The following MARCHF1 variants were observed in gnomAD, a reference collection of about 807,000 sequenced individuals.
MARCHF1 encodes the protein membrane associated ring-CH-type finger 1, also known as E3 ubiquitin-protein ligase MARCHF1.
In MARCHF1, 40 loss-of-function variants were observed where a neutral mutation model predicts 54.2. The ratio of observed to expected loss-of-function variants is 0.74; its 90% CI spans 0.57 to 0.96. MARCHF1 has a LOEUF of 0.96. MARCHF1 is among the 40% of genes least tolerant of loss of function. MARCHF1 has a pLI of 0.00. For synonymous variants in MARCHF1, 236 were observed against 236.3 expected, an observed-to-expected ratio of 1.00 and a Z score of 0.01; for missense variants, 586 against 656.5, an observed-to-expected ratio of 0.89 and a Z score of 1.17.
At position 163,951,430 on chromosome 4, in the gene MARCHF1, T is replaced by C. The variant is rs564570263; in HGVS notation, c.-39+37071A>G. 1.9e-4 allele frequency among the ~76,000 whole-genome samples: 29 copies of C among 152,334 alleles called. No individual in the cohort carries two copies. In the South Asian group the frequency reaches 2.7e-3, roughly 14 times the overall value. On this transcript the variant is annotated intron_variant, in intron 3 of 9. Coordinates refer to ENST00000514618, the MANE Select transcript of MARCHF1 (RefSeq NM_001394959.1). ...TTAAGTGAGCAGGAGGATTACTTCC[T>C]GGTAGAGGATACACAGGCAAAACCA...
At chr4:164,068,077 C>G (rs982629356) in intron 2 of MARCHF1, among the ~76,000 whole-genome samples, 2 of 152,172 alleles carry the variant, frequency 1.3e-5, no homozygotes, top group Non-Finnish European at 2.9e-5. Flanking sequence ...ATAACAGATG[C>G]TAGTGACGTT....
intron 1 of MARCHF1, among the ~76,000 whole-genome samples, chr4:164,312,323 T>TTTC (rs1554000542): frequency 1.4e-5 from 2 of 138,964 alleles, no homozygotes; most frequent in African/African-American, 2.7e-5. Flanking sequence ...CTTTTTCTTT[T>TTTC]TTTTTTTTTT....
chr4:163,793,423 A>G (rs915792815), intron 4 of MARCHF1, among the ~76,000 whole-genome samples: 29 of 152,160 alleles, frequency 1.9e-4, no homozygotes, highest in African/African-American at 6.8e-4. Flanking sequence ...GATTTCTCCA[A>G]TTGTGAGATT....
intron 5 of MARCHF1, among the ~76,000 whole-genome samples, chr4:163,660,476 C>T (rs1054749682): frequency 9.2e-5 from 14 of 151,406 alleles, no homozygotes; most frequent in Admixed American, 3.3e-4. Context: ...ACATAGATGA[C>T]GGGTGGATAG....
intron 1 of MARCHF1, among the ~76,000 whole-genome samples, chr4:164,264,522 C>T (rs1303736227): frequency 1.3e-5 from 2 of 151,806 alleles, no homozygotes; most frequent in Non-Finnish European, 2.9e-5. Flanking sequence ...TTATCATCTA[C>T]CTGGTAATAT....
chr4:164,330,027 G>A (rs1341157187), intron 1 of MARCHF1: 2 of 152,198 alleles, frequency 1.3e-5, no homozygotes, highest in African/African-American at 2.4e-5. Flanking sequence ...GATAGCATCT[G>A]TTCACTTTTC....
chr4:163,841,546 A>G (rs947369708), intron 4 of MARCHF1, among the ~76,000 whole-genome samples: 66 of 152,126 alleles, frequency 4.3e-4, no homozygotes, highest in African/African-American at 1.5e-3. Context: ...CTTTCATAAT[A>G]CAGTTATGCA....
intron 1 of MARCHF1, among the ~76,000 whole-genome samples, chr4:164,337,132 A>G (rs757785990): frequency 5.3e-5 from 8 of 152,158 alleles, no homozygotes; most frequent in Non-Finnish European, 1.2e-4. Context: ...TACTGAATAT[A>G]TTAGTAGTAA....
chr4:164,196,900 G>C (rs754760657), intron 1 of MARCHF1: 26 of 1,381,200 alleles, frequency 1.9e-5, no homozygotes, highest in Non-Finnish European at 2.5e-5. Flanking sequence ...CAGGGGGCAG[G>C]ATTGGAGGGG....
chr4:163,689,970 T>C (rs1171272064), intron 5 of MARCHF1, among the ~76,000 whole-genome samples: 1 of 152,226 alleles, frequency 6.6e-6, no homozygotes, highest in Non-Finnish European at 1.5e-5. Context: ...AAGCTCTTGC[T>C]CTGCCTGTCC....
chr4:163,660,175 T>C (rs1743295034), intron 5 of MARCHF1, among the ~76,000 whole-genome samples: 1 of 151,984 alleles, frequency 6.6e-6, no homozygotes, highest in South Asian at 2.1e-4. Context: ...AATGATAGAC[T>C]GGATAAAGAA....
chr4:164,159,357 T>G (rs1367983985), intron 1 of MARCHF1, among the ~76,000 whole-genome samples: 1 of 152,152 alleles, frequency 6.6e-6, no homozygotes, highest in African/African-American at 2.4e-5. Flanking sequence ...ATATCATATA[T>G]AATTTTCTTT....
chr4:163,909,345 T>C (rs1751141134), intron 3 of MARCHF1, among the ~76,000 whole-genome samples: 1 of 152,182 alleles, frequency 6.6e-6, no homozygotes, highest in African/African-American at 2.4e-5. Flanking sequence ...CTTTCACATG[T>C]ATAAACATAA....
intron 1 of MARCHF1, among the ~76,000 whole-genome samples, chr4:164,307,646 C>T (rs574492235): frequency 1.4e-4 from 22 of 152,000 alleles, no homozygotes; most frequent in Non-Finnish European, 3.1e-4. Context: ...TCAACAACAA[C>T]AAAAATGCTC....
chr4:164,349,091 A>AG (rs1730202113), intron 1 of MARCHF1, among the ~76,000 whole-genome samples: 1 of 152,132 alleles, frequency 6.6e-6, no homozygotes, highest in South Asian at 2.1e-4. Context: ...ACGGTGGAGG[A>AG]GGGAAAATTA....
rs183158254 is a variant in MARCHF1, at chr4:163,817,302, C to T, written c.111+36719G>A. ...GTGTTTGTGTGTATACATATACATA[C>T]ATACATATATATGTACATATACACA... On this transcript the variant is annotated intron_variant, in intron 4 of 9. Coordinates refer to ENST00000514618, the MANE Select transcript of MARCHF1 (RefSeq NM_001394959.1). Among the ~76,000 whole-genome samples, 966 of 151,048 alleles carry T rather than the reference C, an allele frequency of 6.4e-3. 7 individuals carry two copies. The highest frequency in any genetic ancestry group is 0.021 in the African/African-American group (859 of 40,616).
intron 3 of MARCHF1, among the ~76,000 whole-genome samples, chr4:163,874,801 TTAGACAAATA>T (rs1175567022): frequency 6.6e-6 from 1 of 152,168 alleles, no homozygotes; most frequent in Admixed American, 6.6e-5. Context: ...TGATATATTT[TTAGACAAATA>T]GAAGCACTGA....
chr4:164,138,445 C>T (rs1012133803), intron 1 of MARCHF1, among the ~76,000 whole-genome samples: 1 of 152,060 alleles, frequency 6.6e-6, no homozygotes, highest in African/African-American at 2.4e-5. Context: ...GGAGCTAGGC[C>T]TGACCTTGGA....
At chr4:164,219,027 C>G (rs1176021435) in intron 1 of MARCHF1, among the ~76,000 whole-genome samples, 1 of 151,938 alleles carries the variant, frequency 6.6e-6, no homozygotes, top group Admixed American at 6.6e-5. Flanking sequence ...TACTTTATTC[C>G]ATTATTTCCT....
Sources: allele counts gnomAD v4.1 joint callset (sites outside exome capture counted in the v4.1 genomes callset), GRCh38; gene constraint gnomAD v4.1.1; transcripts MANE v1.5; gene names NCBI Gene and HGNC (gene_info 2026-07-23, HGNC 2026-07-21).